The following ELMO3 variants were observed in gnomAD, a reference collection of about 807,000 sequenced individuals.
The protein encoded by ELMO3 is engulfment and cell motility 3.
Under a neutral mutation model 89.0 loss-of-function variants are expected in ELMO3, and 81 were observed. The ratio of observed to expected loss-of-function variants is 0.91; its 90% CI spans 0.76 to 1.09. The LOEUF is 1.09. Ranked by LOEUF, ELMO3 falls within the 50% of genes least tolerant of loss-of-function variation. The probability of loss-of-function intolerance (pLI) is 0.00; values close to 1 mark genes in which losing one functional copy is unlikely to be tolerated. For synonymous variants in ELMO3, 406 were observed against 400.6 expected, an observed-to-expected ratio of 1.01 and a Z score of -0.16; for missense variants, 959 against 972.8, an observed-to-expected ratio of 0.99 and a Z score of 0.19.
chr16:67,201,921 C>A, intron 11 of ELMO3, 48 bp downstream of exon 11: 1 of 1,605,264 alleles, frequency 6.2e-7, no homozygotes, highest in Non-Finnish European at 8.5e-7. Context: ...CAGCCCAGGG[C>A]TGTTGTTCCA....
Position 67,200,556 on chromosome 16 carries a change from T to G in ELMO3, c.513+6T>G, listed in dbSNP as rs1012759432. ...GCATCCCCTTTGTGAGGAAGGTGGG[T>G]GGGCTTTCCTAGGGCAGCGGGTGGG... On this transcript the variant is annotated splice_donor_region_variant and intron_variant, in intron 6 of 19. Coordinates refer to ENST00000393997, the MANE Select transcript of ELMO3 (RefSeq NM_024712.5). 1 of 1,613,138 alleles carries G rather than the reference T, an allele frequency of 6.2e-7. No individual in the cohort carries two copies. The highest frequency in any genetic ancestry group is 8.5e-7 in the Non-Finnish European group (1 of 1,179,794).
chr16:67,200,104 C>G, intron 4 of ELMO3, 88 bp from the exon 5 acceptor site: 8 of 1,573,500 alleles, frequency 5.1e-6, no homozygotes, highest in Non-Finnish European at 6.9e-6. Flanking sequence ...CTTGCGCCAC[C>G]TAGTTGACGC....
At position 67,200,026 on chromosome 16, in the gene ELMO3, C is replaced by T. The variant is rs750267231; in HGVS notation, c.243+25C>T. ...AGTAATGCCCCTCCCGTCCCGCCTT[C>T]CCCATCCCTGCCCCTTTGCTCCAGG... On this transcript the variant is annotated intron_variant, in intron 4 of 19. Transcript: ENST00000393997. The T allele has an allele frequency of 5.1e-5, 83 of 1,612,192 alleles. No homozygotes were observed. The East Asian group carries it at 1.8e-3, about 35-fold the overall frequency.
At chr16:67,199,476 G>GGCCCCCCCCCCCCCCCCCCCCCCCC in intron 1 of ELMO3, 72 bp downstream of exon 1, 11 of 1,503,478 alleles carry the variant, frequency 7.3e-6, no homozygotes, top group Non-Finnish European at 8.1e-6. Context: ...CCTCGGGGCA[G>GGCCCCCCCCCCCCCCCCCCCCCCCC]CCCGCCCCAC....
rs765248835 is a variant in ELMO3 at position 67,203,450 on chromosome 16, G to A, written c.1863+41G>A. ...CAGGGGCTCCTTCCCACCCGCCCCCGCCTACCCTGTCCCCTGCTCAGTGTC... is the reference window on the plus strand; with the variant it reads ...CAGGGGCTCCTTCCCACCCGCCCCCACCTACCCTGTCCCCTGCTCAGTGTC... On this transcript the variant is annotated intron_variant, in intron 18 of 19. Transcript: ENST00000393997. This position sits in a 1 kb window ranked among gnomAD's most constrained non-coding sequence, Gnocchi z 4.6. 1.4e-5 allele frequency: 12 copies of A among 874,950 alleles called. No individual in the cohort carries two copies. The highest frequency in any genetic ancestry group is 1.9e-5 in the Admixed American group (1 of 51,962). 54.2% of individuals were successfully genotyped at this position (874,950 alleles called of 1,614,324 possible).
At chr16:67,199,528 G>A in intron 1 of ELMO3, 25 bp from the exon 2 acceptor site, 1 of 1,351,506 alleles carries the variant, frequency 7.4e-7, no homozygotes. Context: ...TGCCCAGGCC[G>A]CGAGAATGAC....
chr16:67,200,122 C>G, intron 4 of ELMO3, 70 bp from the exon 5 acceptor site: 2 of 1,583,606 alleles, frequency 1.3e-6, no homozygotes, highest in Non-Finnish European at 1.7e-6. Context: ...CGCCCGGGGC[C>G]GCACACTTCC....
At position 67,202,082 on chromosome 16, in the gene ELMO3, G is replaced by A. The variant is rs369129956; in HGVS notation, c.1152+4G>A. The stretch of plus-strand genomic sequence containing the variant: ...CGCGCCCAGCGCGTACAGCCGGGTC[G>A]GTGACAGGGTAGGGTGGGGGGGTGG... On this transcript the variant is annotated splice_donor_region_variant and intron_variant, in intron 12 of 19. Coordinates refer to ENST00000393997, the MANE Select transcript of ELMO3 (RefSeq NM_024712.5). 6.9e-5 allele frequency: 112 copies of A among 1,612,852 alleles called. No individual in the cohort carries two copies. The highest frequency in any genetic ancestry group is 8.8e-5 in the South Asian group (8 of 91,064).
In ELMO3 at chr16:67,202,880, C is replaced by T; in HGVS notation, c.1563-12C>T. Reference sequence around the variant, plus strand: ...CCCAGGTCAGATGTGCTCAGTGACACCCCTCTATCAGGGAGCTGCGGGAGA... The same window carrying T: ...CCCAGGTCAGATGTGCTCAGTGACATCCCTCTATCAGGGAGCTGCGGGAGA... On this transcript the variant is annotated splice_polypyrimidine_tract_variant and intron_variant, in intron 15 of 19. Coordinates refer to ENST00000393997, the MANE Select transcript of ELMO3 (RefSeq NM_024712.5). 6.2e-7 allele frequency: 1 copy of T among 1,613,126 alleles called. No individual in the cohort carries two copies. Among genetic ancestry groups the T allele is most frequent in the East Asian group, 2.2e-5 (1 of 44,878 alleles).
In ELMO3 at chr16:67,199,685, T is replaced by C; in HGVS notation, c.121T>C (p.Trp41Arg). The change falls in exon 3 of 20, where the codon TGG (tryptophan) becomes CGG (arginine). Residue 41 changes from tryptophan (W) to arginine (R), a missense_variant and splice_region_variant. Coordinates refer to ENST00000393997, the MANE Select transcript of ELMO3 (RefSeq NM_024712.5). ...AAVLKEVCDA[W>R]SLTHSERYAL... ...CTCGCTGAGCCTCGTGCCCCTCAGG[T>C]GGAGCCTGACGCACTCTGAGCGTTA... is the stretch of plus-strand genomic sequence containing the variant. 6.2e-7 allele frequency: 1 copy of C among 1,610,320 alleles called. No homozygotes were observed. The highest frequency in any genetic ancestry group is 8.5e-7 in the Non-Finnish European group (1 of 1,179,770).
Position 67,200,811 on chromosome 16 carries a change from A to G in ELMO3, c.665+3A>G. The G allele has an allele frequency of 1.2e-6, 2 of 1,613,140 alleles. No individual in the cohort carries two copies. The highest frequency in any genetic ancestry group is 1.7e-6 in the Non-Finnish European group (2 of 1,179,674). On this transcript the variant is annotated splice_donor_region_variant and intron_variant, in intron 7 of 19. Transcript: ENST00000393997. Reference sequence around the variant, plus strand: ...AGGCTGCTGGTGCACCTACAGGTGTAAGCCTCTGGGGCTGGGGTCCAGATG... The same window carrying G: ...AGGCTGCTGGTGCACCTACAGGTGTGAGCCTCTGGGGCTGGGGTCCAGATG...
Position 67,201,963 on chromosome 16 carries a change from C to T in ELMO3, c.1051-14C>T. On this transcript the variant is annotated splice_polypyrimidine_tract_variant and intron_variant, in intron 11 of 19. Transcript: ENST00000393997. ...CGTGGCCCTTCTTGAACTGCCTGTG[C>T]CCACTTCCCCCAGAACAGCAACCCA... is the stretch of plus-strand genomic sequence containing the variant. 1 of 1,611,778 alleles carries T rather than the reference C, an allele frequency of 6.2e-7. No individual in the cohort carries two copies. Among genetic ancestry groups the T allele is most frequent in the Non-Finnish European group, 8.5e-7 (1 of 1,179,518 alleles).
Position 67,200,695 on chromosome 16 carries a change from C to A in ELMO3, c.552C>A (p.Ser184=). 6.2e-7 allele frequency: 1 copy of A among 1,613,536 alleles called. No individual in the cohort carries two copies. Among genetic ancestry groups the A allele is most frequent in the Non-Finnish European group, 8.5e-7 (1 of 1,180,002 alleles). Residue 184 remains serine, a synonymous_variant, in exon 7 of 20, where the codon TCC becomes TCA. Transcript: ENST00000393997. ...CYVNMNLMDA[S]VPPLALGLLE... is the part of the protein sequence containing the mutation. ...TGAACATGAACCTCATGGATGCCTC[C>A]GTGCCTCCCCTGGCCCTTGGGCTGC...
chr16:67,202,612 C>G lies in ELMO3; in HGVS notation c.1399-15C>G. The G allele has an allele frequency of 6.2e-7, 1 of 1,613,082 alleles. No homozygotes were observed. The highest frequency in any genetic ancestry group is 2.2e-5 in the East Asian group (1 of 44,762). On this transcript the variant is annotated splice_polypyrimidine_tract_variant and intron_variant, in intron 14 of 19. Coordinates refer to ENST00000393997, the MANE Select transcript of ELMO3 (RefSeq NM_024712.5). ...TACAGAGCTTAGGCCCTGAGCTGAGCTTGGGCGGCCCCAGGTCATGCAGGT... is the reference window on the plus strand; with the variant it reads ...TACAGAGCTTAGGCCCTGAGCTGAGGTTGGGCGGCCCCAGGTCATGCAGGT...
At chr16:67,201,680 T>G in intron 10 of ELMO3, 38 bp downstream of exon 10, 6 of 1,608,886 alleles carry the variant, frequency 3.7e-6, no homozygotes, top group Non-Finnish European at 4.2e-6. Flanking sequence ...GGGGGTGGCT[T>G]AGAGCTTGGC....
chr16:67,201,258 T>C (rs1478230844), intron 8 of ELMO3, 127 bp from the exon 9 acceptor site: 16 of 992,888 alleles, frequency 1.6e-5, no homozygotes, highest in East Asian at 5.2e-5. Flanking sequence ...GGGGTTTCAC[T>C]GTGTTAGCCA....
intron 8 of ELMO3, among the ~76,000 whole-genome samples, 185 bp downstream of exon 8, chr16:67,201,153 C>T (rs1483913047): frequency 2.0e-5 from 3 of 150,732 alleles, no homozygotes; most frequent in Admixed American, 2.0e-4. Context: ...TCACACCATT[C>T]TCCTGCCTCA....
At position 67,200,961 on chromosome 16, in the gene ELMO3, A is replaced by G. The variant is rs1269659597; in HGVS notation, c.737A>G (p.Glu246Gly). 6.2e-7 allele frequency: 1 copy of G among 1,604,910 alleles called. No individual in the cohort carries two copies. Among genetic ancestry groups the G allele is most frequent in the South Asian group, 1.1e-5 (1 of 89,932 alleles). Residue 246 changes from glutamate (E) to glycine (G), a missense_variant, in exon 8 of 20, where the codon GAA becomes GGA. By Grantham distance (98) the Glu-to-Gly change is moderately conservative (BLOSUM62 -2). Coordinates refer to ENST00000393997, the MANE Select transcript of ELMO3 (RefSeq NM_024712.5). ...TALLQGASPVERKHMLDYLWQ... is the reference protein window; with the variant it reads ...TALLQGASPVGRKHMLDYLWQ... Reference sequence around the variant, plus strand: ...TTGCTGCAGGGGGCCAGCCCTGTGGAACGCAAGGTGAGTGTCGATCGGTGG... The same window carrying G: ...TTGCTGCAGGGGGCCAGCCCTGTGGGACGCAAGGTGAGTGTCGATCGGTGG...
Position 67,201,590 on chromosome 16 carries a change from T to G in ELMO3, c.866T>G (p.Met289Arg), listed in dbSNP as rs140352129. Residue 289 changes from methionine to arginine, a missense_variant, in exon 10 of 20, where the codon ATG becomes AGG. Transcript: ENST00000393997. The part of the protein sequence containing the change: ...AHHLYVLQAL[M>R]LGLLEPRMRT... ...CACCTGTACGTACTGCAGGCTCTCA[T>G]GCTGGGGCTGCTGGAGCCGCGCATG... 6.2e-7 allele frequency: 1 copy of G among 1,613,856 alleles called. No homozygotes were observed. Among genetic ancestry groups the G allele is most frequent in the African/African-American group, 1.3e-5 (1 of 75,044 alleles).
Sources: gnomAD v4.1 joint callset for allele counts (sites outside exome capture counted in the v4.1 genomes callset) on GRCh38, gnomAD v4.1.1 for gene constraint, Gnocchi (gnomAD v3.1) non-coding constraint, MANE v1.5 for transcripts, NCBI Gene and HGNC (gene_info 2026-07-23, HGNC 2026-07-21) for gene names.